The following STK32B variants were observed in gnomAD, a reference collection of about 807,000 sequenced individuals.
STK32B encodes the protein serine/threonine-protein kinase 32B.
A neutral mutation model predicts 52.6 loss-of-function variants in STK32B; 43 were observed. The observed-to-expected ratio is 0.82, with a 90% CI of 0.64 to 1.05. The LOEUF (loss-of-function observed/expected upper bound fraction) is 1.05, where lower values mean the gene tolerates loss of function less well. STK32B is among the 50% of genes least tolerant of loss of function. The pLI, the probability that STK32B is intolerant of heterozygous loss-of-function variation, is 0.00. For synonymous variants in STK32B, 238 were observed against 204.3 expected, an observed-to-expected ratio of 1.17 and a Z score of -1.41; for missense variants, 621 against 534.6, an observed-to-expected ratio of 1.16 and a Z score of -1.59.
At chr4:5,140,398 C>T in intron 2 of STK32B, 5 of 928,762 alleles carry the variant, frequency 5.4e-6, no homozygotes, top group South Asian at 2.3e-5. Flanking sequence ...AACAAAAATA[C>T]TCCCCCCAGT....
intron 1 of STK32B, among the ~76,000 whole-genome samples, chr4:5,075,685 C>A (rs1712033044): frequency 6.6e-6 from 1 of 151,938 alleles, no homozygotes; most frequent in Non-Finnish European, 1.5e-5. Context: ...TTTAGGAAAC[C>A]TGAAAATATT....
intron 1 of STK32B, among the ~76,000 whole-genome samples, chr4:5,072,813 T>C (rs944453641): frequency 6.6e-6 from 1 of 152,166 alleles, no homozygotes. Flanking sequence ...GAAAAAAGTG[T>C]TAACATCTTT....
intron 2 of STK32B, among the ~76,000 whole-genome samples, chr4:5,165,722 C>T (rs1718818433): frequency 6.6e-6 from 1 of 152,154 alleles, no homozygotes; most frequent in Non-Finnish European, 1.5e-5. Context: ...AAAGCCAGGA[C>T]CCCTGAGGTA....
chr4:5,473,731 C>T (rs1487929701), intron 11 of STK32B, among the ~76,000 whole-genome samples: 1 of 152,232 alleles, frequency 6.6e-6, no homozygotes, highest in Non-Finnish European at 1.5e-5. Context: ...CTCCTTACCC[C>T]TCCTCAGACC....
At chr4:5,149,134 T>C (rs1717146413) in intron 2 of STK32B, among the ~76,000 whole-genome samples, 5 of 151,930 alleles carry the variant, frequency 3.3e-5, no homozygotes, top group Admixed American at 3.3e-4. Flanking sequence ...TGATAGGATT[T>C]ACACATGAAT....
chr4:5,105,960 A>G (rs536837837), intron 1 of STK32B, among the ~76,000 whole-genome samples: 2 of 152,252 alleles, frequency 1.3e-5, no homozygotes, highest in East Asian at 1.9e-4. Context: ...TAACAGAAGT[A>G]TAGCCCTTTT....
At chr4:5,181,369 G>C (rs2369671) in intron 3 of STK32B, among the ~76,000 whole-genome samples, 64,464 of 115,562 alleles carry the variant, frequency 0.56, 14,242 homozygotes, top group East Asian at 0.68. Context: ...CACACACACA[G>C]AGATCTCATT....
intron 1 of STK32B, among the ~76,000 whole-genome samples, chr4:5,062,060 T>C (rs748586369): frequency 6.6e-6 from 1 of 152,172 alleles, no homozygotes; most frequent in Non-Finnish European, 1.5e-5. Flanking sequence ...AATATTCCAG[T>C]CCACCAGAAG....
chr4:5,337,252 G>A (rs1004051668), intron 4 of STK32B, among the ~76,000 whole-genome samples: 1 of 151,816 alleles, frequency 6.6e-6, no homozygotes. Flanking sequence ...GCCTCTTAAA[G>A]TGCTAGGATT....
At chr4:5,207,281 C>G (rs1722631710) in intron 3 of STK32B, among the ~76,000 whole-genome samples, 1 of 152,176 alleles carries the variant, frequency 6.6e-6, no homozygotes, top group Non-Finnish European at 1.5e-5. Flanking sequence ...CCCATAATCC[C>G]CATGTGTCAT....
At chr4:5,128,466 C>A (rs1401821485) in intron 1 of STK32B, among the ~76,000 whole-genome samples, 1 of 152,162 alleles carries the variant, frequency 6.6e-6, no homozygotes. Context: ...TAATATTTTC[C>A]TGTATGAATT....
chr4:5,273,908 G>A (rs1006920693), intron 3 of STK32B, among the ~76,000 whole-genome samples: 1 of 150,710 alleles, frequency 6.6e-6, no homozygotes, highest in Non-Finnish European at 1.5e-5. Context: ...GAGTTAGTGG[G>A]TGTAGCGCAC....
intron 3 of STK32B, among the ~76,000 whole-genome samples, chr4:5,206,557 C>T (rs957040129): frequency 5.3e-5 from 8 of 152,038 alleles, no homozygotes; most frequent in East Asian, 3.9e-4. Context: ...TGCTGGCTGG[C>T]GAGAGAGTGC....
At chr4:5,457,939 GGAAGGAAGGAAGGAAGGAAGGAAAGGAAA>G (rs1716703647) in intron 8 of STK32B, among the ~76,000 whole-genome samples, 1 of 102,208 alleles carries the variant, frequency 9.8e-6, no homozygotes, top group African/African-American at 3.8e-5. Context: ...AGGGAGGGAG[GGAAGGAAGGAAGGAAGGAAGGAAAGGAAA>G]GAAGGAAGGA....
intron 1 of STK32B, among the ~76,000 whole-genome samples, chr4:5,074,188 A>ATGTGTGTGTG (rs34284353): frequency 6.7e-6 from 1 of 148,800 alleles, no homozygotes; most frequent in East Asian, 2.0e-4. Context: ...AAATATATAT[A>ATGTGTGTGTG]TGTGTGTGTG....
intron 3 of STK32B, among the ~76,000 whole-genome samples, chr4:5,290,889 C>G (rs890176007): frequency 5.3e-5 from 8 of 152,072 alleles, no homozygotes; most frequent in African/African-American, 1.9e-4. Context: ...ATATTGCAAG[C>G]TGATAGTAAA....
At position 5,453,314 on chromosome 4, in the gene STK32B, G is replaced by A. The variant is rs1046797500; in HGVS notation, c.667-3493G>A. ...CCTTGAATGACCAATAAGGAAACAGGGAATGAAATGTAAATGATAAGAAAA... is the reference window on the plus strand; with the variant it reads ...CCTTGAATGACCAATAAGGAAACAGAGAATGAAATGTAAATGATAAGAAAA... On this transcript the variant is annotated intron_variant, in intron 7 of 11. Coordinates refer to ENST00000282908, the MANE Select transcript of STK32B (RefSeq NM_018401.3). The surrounding 1 kb of genome is among the most constrained non-coding windows in gnomAD (Gnocchi z 4.0). 4.6e-5 allele frequency among the ~76,000 whole-genome samples: 7 copies of A among 151,896 alleles called. No homozygotes were observed. The highest frequency in any genetic ancestry group is 7.3e-5 in the African/African-American group (3 of 41,366).
the STK32B span, chr4:5,019,421 C>G: frequency 6.8e-7 from 1 of 1,479,600 alleles, no homozygotes; most frequent in Non-Finnish European, 8.9e-7. Flanking sequence ...AGCAGCAGCA[C>G]GGGCAGAGGC....
the STK32B span, among the ~76,000 whole-genome samples, chr4:5,039,766 C>T: frequency 3.3e-5 from 5 of 152,298 alleles, no homozygotes; most frequent in South Asian, 2.1e-4. Context: ...CATTGTGCTA[C>T]GAAGTCATGA....
Sources: allele counts gnomAD v4.1 joint callset (sites outside exome capture counted in the v4.1 genomes callset), GRCh38; gene constraint gnomAD v4.1.1; non-coding constraint Gnocchi (gnomAD v3.1); transcripts MANE v1.5; gene names NCBI Gene and HGNC (gene_info 2026-07-23, HGNC 2026-07-21).